The following SETD1A variants were observed in gnomAD, a reference collection of about 807,000 sequenced individuals.
SETD1A encodes the protein histone-lysine N-methyltransferase SETD1A.
In SETD1A, 29 loss-of-function variants were observed where a neutral mutation model predicts 149.9. The observed-to-expected ratio is 0.19, with a 90% CI of 0.14 to 0.26. The LOEUF (loss-of-function observed/expected upper bound fraction) is 0.26. Ranked by LOEUF, SETD1A falls within the 10% of genes least tolerant of loss-of-function variation. SETD1A has a pLI of 1.00. For missense variants in SETD1A, 2,109 were observed against 2,353.1 expected (o/e 0.90, Z 2.15); for synonymous variants, 1,141 against 968.5 (o/e 1.18, Z -3.31).
intron 13 of SETD1A, among the ~76,000 whole-genome samples, chr16:30,974,147 A>G (rs1161359577): frequency 6.6e-6 from 1 of 152,142 alleles, no homozygotes; most frequent in Admixed American, 6.5e-5. Flanking sequence ...AGGGAAATTT[A>G]GGAGGTAGGA....
At chr16:30,966,446 G>A in intron 8 of SETD1A, 60 bp downstream of exon 8, 1 of 1,528,934 alleles carries the variant, frequency 6.5e-7, no homozygotes, top group Non-Finnish European at 8.8e-7. Context: ...TGGGCCTCTG[G>A]CTCCTCCAGG....
chr16:30,972,045 T>C (rs143038811), intron 13 of SETD1A, among the ~76,000 whole-genome samples: 2 of 152,180 alleles, frequency 1.3e-5, no homozygotes. Context: ...CTTCAGTGAG[T>C]AGTGAACAAG....
rs747622525 is a variant in SETD1A, at chr16:30,966,078, T to C, written c.2197T>C (p.Tyr733His). Residue 733 changes from tyrosine (Y) to histidine (H), a missense_variant, in exon 8 of 19, where the codon TAT (tyrosine) becomes CAT (histidine). By Grantham distance (83) the Tyr-to-His change is moderately conservative. This residue lies in a region of SETD1A where 431 missense variants were observed against 388.6 expected (regional missense o/e 1.11). Coordinates refer to ENST00000262519, the MANE Select transcript of SETD1A (RefSeq NM_014712.3). The part of the protein sequence containing the change: ...EAAYGLPYAL[Y>H]AQGQEGRGAY... ...AGCCTACGGCTTGCCGTATGCTCTA[T>C]ATGCACAGGGGCAGGAGGGCAGAGG... 6.3e-7 allele frequency: 1 copy of C among 1,588,654 alleles called. No individual in the cohort carries two copies. Among genetic ancestry groups the C allele is most frequent in the Non-Finnish European group, 8.6e-7 (1 of 1,166,218 alleles).
Position 30,981,053 on chromosome 16 carries a change from C to T in SETD1A, c.4693-8C>T, listed in dbSNP as rs772761842. 21 of 1,613,674 alleles carry T rather than the reference C, an allele frequency of 1.3e-5. No homozygotes were observed. The highest frequency in any genetic ancestry group is 1.7e-5 in the Admixed American group (1 of 59,980). ...GTCTGGCAGTTGAGTCTCCCTTCTG[C>T]CCCCCAGTTCCGGAAGAAGAAGCTC... is the stretch of plus-strand genomic sequence containing the variant. On this transcript the variant is annotated splice_region_variant and splice_polypyrimidine_tract_variant and intron_variant, in intron 16 of 18. Coordinates refer to ENST00000262519, the MANE Select transcript of SETD1A (RefSeq NM_014712.3).
rs529846750 is a variant in SETD1A at position 30,964,149 on chromosome 16, C to T, written c.695C>T (p.Thr232Ile). ...ACAGCTGCCTACCCAGCAGGCACCACTGCGGTGGGCACTCCTGGCAACGGC... is the reference window on the plus strand; with the variant it reads ...ACAGCTGCCTACCCAGCAGGCACCATTGCGGTGGGCACTCCTGGCAACGGC... ...SDTAAYPAGT[T>I]AVGTPGNGTP... The change falls in exon 6 of 19, where the codon ACT becomes ATT. Residue 232 changes from threonine to isoleucine, a missense_variant. Physicochemically the swap from Thr to Ile is moderately conservative, Grantham distance 89. Coordinates refer to ENST00000262519, the MANE Select transcript of SETD1A (RefSeq NM_014712.3). 7.4e-6 allele frequency: 12 copies of T among 1,614,180 alleles called. No individual in the cohort carries two copies. The Admixed American group carries it at 1.3e-4, about 18-fold the overall frequency.
rs369236961 is a variant in SETD1A at position 30,983,775 on chromosome 16, G to A, written c.4950+3G>A. 19 of 1,613,766 alleles carry A rather than the reference G, an allele frequency of 1.2e-5. No individual in the cohort carries two copies. In the African/African-American group the frequency reaches 1.7e-4, roughly 15 times the overall value. ...GATTCATCAACCACTGCTGCACGGTGCGCCAGGGGCCAGCCGGGGCAGGAG... is the reference window on the plus strand; with the variant it reads ...GATTCATCAACCACTGCTGCACGGTACGCCAGGGGCCAGCCGGGGCAGGAG... On this transcript the variant is annotated splice_donor_region_variant and intron_variant, in intron 18 of 18. Coordinates refer to ENST00000262519, the MANE Select transcript of SETD1A (RefSeq NM_014712.3). This position sits in a 1 kb window ranked among gnomAD's most constrained non-coding sequence, Gnocchi z 6.8.
intron 3 of SETD1A, 64 bp downstream of exon 3, chr16:30,959,250 C>A: frequency 9.6e-7 from 1 of 1,041,726 alleles, no homozygotes; most frequent in Non-Finnish European, 1.5e-6. Flanking sequence ...CGTCTTGGCA[C>A]TATAGCTGAA....
chr16:30,964,519 G>A (rs960810136), intron 6 of SETD1A, 93 bp from the exon 7 acceptor site: 11 of 1,538,186 alleles, frequency 7.2e-6, no homozygotes, highest in Non-Finnish European at 9.6e-6. Context: ...CTTTTGGAGG[G>A]CAGCATAGAG....
In SETD1A at chr16:30,964,177, C is replaced by G. The variant is rs747687857; in HGVS notation, c.723C>G (p.Thr241=). The change falls in exon 6 of 19, where the codon ACC becomes ACG. Residue 241 remains threonine, a synonymous_variant. Coordinates refer to ENST00000262519, the MANE Select transcript of SETD1A (RefSeq NM_014712.3). Reference sequence around the variant, plus strand: ...CGGTGGGCACTCCTGGCAACGGCACCCCCTGCTCCCAGGACACAAGCTTCT... The same window carrying G: ...CGGTGGGCACTCCTGGCAACGGCACGCCCTGCTCCCAGGACACAAGCTTCT... ...TTAVGTPGNG[T]PCSQDTSFSS... is the part of the protein sequence containing the mutation. 2 of 1,614,088 alleles carry G rather than the reference C, an allele frequency of 1.2e-6. No individual in the cohort carries two copies. Among genetic ancestry groups the G allele is most frequent in the South Asian group, 2.2e-5 (2 of 91,074 alleles).
Position 30,984,607 on chromosome 16 carries a change from A to C in SETD1A, c.*584A>C. On this transcript the variant is annotated 3_prime_UTR_variant, in exon 19 of 19. Transcript: ENST00000262519. ...TGCTGGGCTGGACTGTACATATGTT[A>C]ATAGCGCAAACCCGACGCCACATTT... is the stretch of plus-strand genomic sequence containing the variant. The C allele has an allele frequency of 6.5e-6, 1 of 153,874 alleles. No homozygotes were observed. The allele number at this position is 153,874 out of a possible 1,614,324, so 9.5% of individuals were successfully genotyped here.
rs1383967771 is a variant in SETD1A at position 30,979,169 on chromosome 16, G to A, written c.3383G>A (p.Ser1128Asn). 2 of 1,578,324 alleles carry A rather than the reference G, an allele frequency of 1.3e-6. No homozygotes were observed. The highest frequency in any genetic ancestry group is 1.3e-5 in the African/African-American group (1 of 74,284). ...GGCCCCACGGAGGAGTCACCCCCCAGTGCGCCTCTGCGTCCCCCAGAACCA... is the reference window on the plus strand; with the variant it reads ...GGCCCCACGGAGGAGTCACCCCCCAATGCGCCTCTGCGTCCCCCAGAACCA... ...PAGPTEESPPSAPLRPPEPPA... is the reference protein window; with the variant it reads ...PAGPTEESPPNAPLRPPEPPA... Residue 1128 changes from serine (S) to asparagine (N), a missense_variant, in exon 14 of 19, where the codon AGT becomes AAT. Ser to Asn is a conservative substitution (Grantham distance 46, BLOSUM62 1). Coordinates refer to ENST00000262519, the MANE Select transcript of SETD1A (RefSeq NM_014712.3).
intron 4 of SETD1A, among the ~76,000 whole-genome samples, chr16:30,962,025 C>G (rs2056058798): frequency 6.6e-6 from 1 of 151,514 alleles, no homozygotes; most frequent in South Asian, 2.1e-4. Context: ...TGATTATTTG[C>G]AGAGATGAAG....
intron 13 of SETD1A, 40 bp downstream of exon 13, chr16:30,971,759 T>TGAGA: frequency 5.3e-6 from 8 of 1,507,206 alleles, no homozygotes; most frequent in Non-Finnish European, 7.1e-6. Flanking sequence ...GCTGTGTGTG[T>TGAGA]GAGAGAGAGA....
chr16:30,965,478 C>T lies in SETD1A; in HGVS notation c.1719+17C>T. 1 of 1,584,882 alleles carries T rather than the reference C, an allele frequency of 6.3e-7. No homozygotes were observed. Among genetic ancestry groups the T allele is most frequent in the Non-Finnish European group, 8.6e-7 (1 of 1,161,802 alleles). ...CAGAACCAGGTGAGGTTGGGGTCAG[C>T]CAGAGGAGGCACCTGGGCTCTGGGA... On this transcript the variant is annotated intron_variant, in intron 7 of 18. Transcript: ENST00000262519.
chr16:30,963,289 A>C, intron 4 of SETD1A, 144 bp from the exon 5 acceptor site: 1 of 645,846 alleles, frequency 1.5e-6, no homozygotes. Flanking sequence ...TCCCAAAGGT[A>C]GAGTTATGGT....
chr16:30,971,231 T>C (rs1383523027), intron 12 of SETD1A, 147 bp from the exon 13 acceptor site: 1 of 771,766 alleles, frequency 1.3e-6, no homozygotes, highest in Non-Finnish European at 2.1e-6. Flanking sequence ...ACAGTGAAAA[T>C]GGTTTGCTTA....
In SETD1A at chr16:30,963,443, A is replaced by C. The variant is rs369743879; in HGVS notation, c.528A>C (p.Arg176=). The change falls in exon 5 of 19, where the codon CGA becomes CGC. Residue 176 remains arginine, a synonymous_variant. Coordinates refer to ENST00000262519, the MANE Select transcript of SETD1A (RefSeq NM_014712.3). ...HAQLDIKGQQ[R]MKYYELIVNG... ...TTTCCCTCCCTCCAGGACAACAACG[A>C]ATGAAATACTATGAACTAATTGTCA... The C allele has an allele frequency of 1.1e-4, 180 of 1,607,584 alleles. 3 individuals carry two copies. In the South Asian group the frequency reaches 1.6e-3, roughly 14 times the overall value.
intron 10 of SETD1A, 97 bp from the exon 11 acceptor site, chr16:30,969,208 C>T (rs771695654): frequency 1.6e-6 from 2 of 1,220,596 alleles, no homozygotes; most frequent in Non-Finnish European, 2.3e-6. Flanking sequence ...TGAAGACCAT[C>T]AGGAAGATTG....
intron 17 of SETD1A, 71 bp downstream of exon 17, chr16:30,981,251 T>G (rs957296939): frequency 6.3e-7 from 1 of 1,587,868 alleles, no homozygotes; most frequent in African/African-American, 1.3e-5. Flanking sequence ...ACACACATGC[T>G]GTTTGTCCGG....
Sources: gnomAD v4.1 joint callset for allele counts (sites outside exome capture counted in the v4.1 genomes callset) on GRCh38, gnomAD v4.1.1 for gene constraint, gnomAD v4.1.1 regional missense constraint, Gnocchi (gnomAD v3.1) non-coding constraint, MANE v1.5 for transcripts, NCBI Gene and HGNC (gene_info 2026-07-23, HGNC 2026-07-21) for gene names.